Variants in FCN2 observed in about 807,000 individuals in gnomAD.
FCN2 encodes the protein ficolin 2.
Under a neutral mutation model 32.5 loss-of-function variants are expected in FCN2, and 31 were observed. The ratio of observed to expected loss-of-function variants is 0.96; its 90% CI spans 0.72 to 1.29. The LOEUF (loss-of-function observed/expected upper bound fraction) is 1.29. Ranked by LOEUF, FCN2 falls within the 50% of genes most tolerant of loss-of-function variation. The pLI, the probability that FCN2 is intolerant of heterozygous loss-of-function variation, is 0.00. For synonymous variants in FCN2, 181 were observed against 164.5 expected (o/e 1.10, Z -0.77); for missense variants, 412 against 406.5 (o/e 1.01, Z -0.12).
upstream of FCN2, among the ~76,000 whole-genome samples, chr9:134,878,326 C>A (rs1291934375): frequency 6.6e-6 from 1 of 152,158 alleles, no homozygotes; most frequent in Non-Finnish European, 1.5e-5. Context: ...TGGCCATGTG[C>A]CTTGCGGGAA....
the FCN2 span, among the ~76,000 whole-genome samples, chr9:134,870,415 C>A: frequency 1.3e-5 from 2 of 152,124 alleles, no homozygotes; most frequent in African/African-American, 2.4e-5. This position sits in a 1 kb window ranked among gnomAD's most constrained non-coding sequence, Gnocchi z 4.3. Flanking sequence ...CCAGCCTTCA[C>A]CCCCAGGGTG....
the FCN2 span, among the ~76,000 whole-genome samples, chr9:134,873,685 C>T: frequency 9.2e-5 from 14 of 152,280 alleles, no homozygotes; most frequent in African/African-American, 2.9e-4. Context: ...GAAGAGTCGA[C>T]GATGTTAAGC....
At chr9:134,880,258 T>C (rs373370111), upstream of FCN2, among the ~76,000 whole-genome samples, 12 of 152,226 alleles carry the variant, frequency 7.9e-5, no homozygotes, top group East Asian at 1.9e-3. Context: ...CAGGAAACAG[T>C]GGACACACAC....
At chr9:134,880,959 G>A (rs544057300) in intron 1 of FCN2, 38 bp downstream of exon 1, 123 of 1,476,484 alleles carry the variant, frequency 8.3e-5, no homozygotes, top group Non-Finnish European at 1.0e-4. Context: ...GAAACTTCTC[G>A]TCCCTGAAAG....
upstream of FCN2, among the ~76,000 whole-genome samples, chr9:134,880,107 C>T (rs1249327616): frequency 6.6e-6 from 1 of 152,120 alleles, no homozygotes; most frequent in Non-Finnish European, 1.5e-5. Flanking sequence ...CACCTACTCT[C>T]ATCCTCCCTA....
At chr9:134,871,321 T>C in the FCN2 span, among the ~76,000 whole-genome samples, 2 of 152,178 alleles carry the variant, frequency 1.3e-5, no homozygotes, top group African/African-American at 2.4e-5. Context: ...TGCATCCTGG[T>C]CTGGGGGCCA....
upstream of FCN2, among the ~76,000 whole-genome samples, chr9:134,879,362 T>A (rs1452040375): frequency 6.6e-6 from 1 of 152,242 alleles, no homozygotes; most frequent in African/African-American, 2.4e-5. Flanking sequence ...CTTCTAGACT[T>A]AATTTTAAGT....
chr9:134,876,388 G>A (rs7857546), upstream of FCN2, among the ~76,000 whole-genome samples: 2,834 of 152,222 alleles, frequency 0.019, 91 homozygotes, highest in African/African-American at 0.061. Context: ...CATCAGTGAC[G>A]CTGTCTGGGC....
chr9:134,879,374 A>G (rs565851411), upstream of FCN2, among the ~76,000 whole-genome samples: 5 of 152,332 alleles, frequency 3.3e-5, no homozygotes, highest in Non-Finnish European at 7.4e-5. Flanking sequence ...ATTTTAAGTC[A>G]TCTAGGTTTG....
Position 134,882,659 on chromosome 9 carries a change from G to C in FCN2, c.214+20G>C. ...AGAGAGGTAGGTGCAGGCATGGCTGGGGGCACTGGCTCTTGCTCTTTTTGA... is the reference window on the plus strand; with the variant it reads ...AGAGAGGTAGGTGCAGGCATGGCTGCGGGCACTGGCTCTTGCTCTTTTTGA... On this transcript the variant is annotated intron_variant, in intron 2 of 7. Transcript: ENST00000291744. The C allele has an allele frequency of 6.5e-7, 1 of 1,529,538 alleles. No homozygotes were observed. Among genetic ancestry groups the C allele is most frequent in the Non-Finnish European group, 9.1e-7 (1 of 1,103,530 alleles). 94.7% of individuals were successfully genotyped at this position (1,529,538 alleles called of 1,614,324 possible). A position where few individuals can be genotyped will look rare whatever the true frequency, so the allele number is the denominator to read the frequency against.
At chr9:134,883,496 G>T (rs1830696980) in intron 3 of FCN2, 141 bp downstream of exon 3, 1 of 762,112 alleles carries the variant, frequency 1.3e-6, no homozygotes, top group Non-Finnish European at 2.3e-6. Flanking sequence ...TTGGGGCTTA[G>T]TCCAGGGCAG....
In FCN2 at chr9:134,886,441, C is replaced by T. The variant is rs752916892; in HGVS notation, c.571C>T (p.Leu191Phe). 10 of 1,614,094 alleles carry T rather than the reference C, an allele frequency of 6.2e-6. No homozygotes were observed. Among genetic ancestry groups the T allele is most frequent in the African/African-American group, 2.7e-5 (2 of 74,934 alleles). The change falls in exon 7 of 8, where the codon CTC (leucine) becomes TTC (phenylalanine). Residue 191 changes from leucine to phenylalanine, a missense_variant. By Grantham distance (22) the Leu-to-Phe change is conservative (BLOSUM62 0). Transcript: ENST00000291744. ...CCTTTCTCTAACAGGAACCAGCGAG[C>T]TCCGTGTAGACCTGGTGGACTTTGA... ...HALTAQGTSELRVDLVDFEDN... is the reference protein window; with the variant it reads ...HALTAQGTSEFRVDLVDFEDN...
chr9:134,881,734 A>AGG (rs1271592009), intron 1 of FCN2, among the ~76,000 whole-genome samples: 1 of 152,202 alleles, frequency 6.6e-6, no homozygotes, highest in African/African-American at 2.4e-5. Context: ...GACACAGGCC[A>AGG]GGAACAGCGG....
chr9:134,869,258 A>G, the FCN2 span, among the ~76,000 whole-genome samples: 65,659 of 152,102 alleles, frequency 0.43, 16,795 homozygotes, highest in African/African-American at 0.71. Flanking sequence ...CATCAAGAAC[A>G]AAGCAAAGAT....
chr9:134,884,815 C>T, intron 4 of FCN2, 43 bp downstream of exon 4: 1 of 1,600,622 alleles, frequency 6.2e-7, no homozygotes, highest in South Asian at 1.1e-5. Flanking sequence ...TTGTGGCTGC[C>T]CTTGGCTGGA....
intron 1 of FCN2, among the ~76,000 whole-genome samples, chr9:134,882,311 C>G (rs1323079219): frequency 6.6e-6 from 1 of 152,204 alleles, no homozygotes; most frequent in African/African-American, 2.4e-5. Context: ...CTGACCAGTG[C>G]CCAAGAGGTG....
intron 3 of FCN2, among the ~76,000 whole-genome samples, chr9:134,884,219 A>T (rs1168696109): frequency 6.6e-6 from 1 of 152,144 alleles, no homozygotes; most frequent in Non-Finnish European, 1.5e-5. Flanking sequence ...GAATCGGAGA[A>T]ATACGCAGTA....
upstream of FCN2, among the ~76,000 whole-genome samples, chr9:134,877,444 T>C (rs1830613474): frequency 6.6e-6 from 1 of 152,248 alleles, no homozygotes; most frequent in Non-Finnish European, 1.5e-5. Flanking sequence ...TTGGGAGGAT[T>C]TTCTAGACAC....
chr9:134,885,469 G>A (rs1301655520), intron 5 of FCN2, 103 bp downstream of exon 5: 9 of 1,526,312 alleles, frequency 5.9e-6, no homozygotes, highest in African/African-American at 2.7e-5. Context: ...TCTCCTGGTC[G>A]GGGACAGTCA....
Sources: gnomAD v4.1 joint callset for allele counts (sites outside exome capture counted in the v4.1 genomes callset) on GRCh38, gnomAD v4.1.1 for gene constraint, Gnocchi (gnomAD v3.1) non-coding constraint, MANE v1.5 for transcripts, NCBI Gene and HGNC (gene_info 2026-07-23, HGNC 2026-07-21) for gene names.